The following REC114 variants were observed in gnomAD, a reference collection of about 807,000 sequenced individuals.
REC114 encodes meiotic recombination protein REC114.
REC114 carries 27 observed loss-of-function variants against 31.3 expected under a neutral mutation model. That is an observed-to-expected ratio of 0.86 (90% CI 0.64 to 1.19). REC114 has a LOEUF of 1.19. Ranked by LOEUF, REC114 falls within the 50% of genes most tolerant of loss-of-function variation. The pLI, the probability that REC114 is intolerant of heterozygous loss-of-function variation, is 0.00. For missense variants in REC114, 344 were observed against 326.9 expected, an observed-to-expected ratio of 1.05 and a Z score of -0.40; for synonymous variants, 134 against 127.7, an observed-to-expected ratio of 1.05 and a Z score of -0.33.
At chr15:73,478,310 C>T (rs1403929057) in intron 2 of REC114, among the ~76,000 whole-genome samples, 7 of 146,622 alleles carry the variant, frequency 4.8e-5, no homozygotes, top group Admixed American at 2.0e-4. Flanking sequence ...ATTTTTTGCA[C>T]GTGGATATCG....
intron 4 of REC114, among the ~76,000 whole-genome samples, chr15:73,555,846 C>T (rs980184403): frequency 6.6e-6 from 1 of 152,098 alleles, no homozygotes; most frequent in Non-Finnish European, 1.5e-5. Context: ...GGAGTTTCCC[C>T]CCATTTTGCA....
chr15:73,523,707 G>A lies in REC114; in HGVS notation c.250-16778G>A, dbSNP rs116897301. Among the ~76,000 whole-genome samples, 6 of 152,256 alleles carry A rather than the reference G, an allele frequency of 3.9e-5. No individual in the cohort carries two copies. The East Asian group carries it at 1.2e-3, about 29-fold the overall frequency. ...GAGCTGATACTTTAAATTTTATGAA[G>A]TCTGATTTATGAAATGTTTCTTTTA... On this transcript the variant is annotated intron_variant, in intron 2 of 5. Coordinates refer to ENST00000331090, the MANE Select transcript of REC114 (RefSeq NM_001042367.2).
At chr15:73,545,821 C>T (rs1894300933) in intron 3 of REC114, among the ~76,000 whole-genome samples, 1 of 152,090 alleles carries the variant, frequency 6.6e-6, no homozygotes, top group Non-Finnish European at 1.5e-5. Flanking sequence ...AATACAGTTG[C>T]TGATGTCACT....
chr15:73,477,954 T>C (rs1893236474), intron 2 of REC114, among the ~76,000 whole-genome samples: 1 of 152,102 alleles, frequency 6.6e-6, no homozygotes, highest in Non-Finnish European at 1.5e-5. Context: ...TTTTAATATA[T>C]GGTGACAGTT....
intron 3 of REC114, among the ~76,000 whole-genome samples, chr15:73,543,407 A>G (rs944077574): frequency 6.6e-6 from 1 of 152,120 alleles, no homozygotes; most frequent in African/African-American, 2.4e-5. Context: ...ATCTCAGCTC[A>G]CTGCAACCTC....
intron 2 of REC114, among the ~76,000 whole-genome samples, chr15:73,527,274 T>A (rs1894020830): frequency 6.6e-6 from 1 of 152,328 alleles, no homozygotes. Flanking sequence ...CTCAGTCTTA[T>A]GGTATTTCGT....
chr15:73,556,599 T>C (rs1213173285), intron 5 of REC114, among the ~76,000 whole-genome samples: 15 of 151,588 alleles, frequency 9.9e-5, no homozygotes, highest in Admixed American at 9.9e-4. Flanking sequence ...ACATGATGGC[T>C]GCAGGCACAT....
In REC114 at chr15:73,534,573, G is replaced by A. The variant is rs551891441; in HGVS notation, c.250-5912G>A. ...AACCAAAAAGAGTCCAGGACCAGATGGATTCACAGCCGAATTCTACCAGAG... is the reference window on the plus strand; with the variant it reads ...AACCAAAAAGAGTCCAGGACCAGATAGATTCACAGCCGAATTCTACCAGAG... On this transcript the variant is annotated intron_variant, in intron 2 of 5. Transcript: ENST00000331090. Among the ~76,000 whole-genome samples, 845 of 152,046 alleles carry A rather than the reference G, an allele frequency of 5.6e-3. 7 individuals carry two copies. Among genetic ancestry groups the A allele is most frequent in the African/African-American group, 0.019 (805 of 41,436 alleles).
chr15:73,443,465 G>A lies in REC114; in HGVS notation c.159+121G>A, dbSNP rs1892725649. 7.4e-6 allele frequency: 9 copies of A among 1,209,740 alleles called. No individual in the cohort carries two copies. The South Asian group carries it at 8.3e-5, about 11-fold the overall frequency. 74.9% of individuals were successfully genotyped at this position (1,209,740 alleles called of 1,614,324 possible). Reference sequence around the variant, plus strand: ...CGAGGGGACACCGAGTGACTGCCAGGCCTGTTGGGGAATGGACAGGCCGAC... The same window carrying A: ...CGAGGGGACACCGAGTGACTGCCAGACCTGTTGGGGAATGGACAGGCCGAC... On this transcript the variant is annotated intron_variant, in intron 1 of 5. Transcript: ENST00000331090.
intron 2 of REC114, among the ~76,000 whole-genome samples, chr15:73,518,032 T>C (rs975818611): frequency 1.1e-4 from 17 of 152,236 alleles, no homozygotes; most frequent in African/African-American, 4.1e-4. Flanking sequence ...TTGCCGATGC[T>C]GATAAAACAT....
intron 2 of REC114, among the ~76,000 whole-genome samples, chr15:73,501,467 CAG>C (rs1401086702): frequency 2.0e-5 from 3 of 152,238 alleles, no homozygotes; most frequent in Admixed American, 2.0e-4. Context: ...TTATTTTAGG[CAG>C]AGTCTCGCTC....
At chr15:73,530,306 C>T (rs747115457) in intron 2 of REC114, among the ~76,000 whole-genome samples, 5 of 152,098 alleles carry the variant, frequency 3.3e-5, no homozygotes, top group Non-Finnish European at 7.3e-5. Flanking sequence ...CTTATTATTC[C>T]CTTTTGTTAG....
At chr15:73,450,132 C>G (rs759452118) in intron 1 of REC114, among the ~76,000 whole-genome samples, 2 of 152,044 alleles carry the variant, frequency 1.3e-5, no homozygotes, top group Non-Finnish European at 1.5e-5. Flanking sequence ...CAAATTCATG[C>G]AACAATATGA....
At chr15:73,493,700 T>G (rs1354321202) in intron 2 of REC114, among the ~76,000 whole-genome samples, 1 of 152,098 alleles carries the variant, frequency 6.6e-6, no homozygotes, top group African/African-American at 2.4e-5. Context: ...CTGAGAGGAG[T>G]GAACTTAGAG....
At position 73,513,421 on chromosome 15, in the gene REC114, G is replaced by A. The variant is rs879691504; in HGVS notation, c.250-27064G>A. ...TCCCGTAGCTCAGAGTAATTTGATC[G>A]TCTGAAGCCTTCTTCTCTCAGCTCG... On this transcript the variant is annotated intron_variant, in intron 2 of 5. Coordinates refer to ENST00000331090, the MANE Select transcript of REC114 (RefSeq NM_001042367.2). 3.5e-3 allele frequency among the ~76,000 whole-genome samples: 507 copies of A among 146,508 alleles called. 2 individuals are homozygous for A. The highest frequency in any genetic ancestry group is 0.018 in the Middle Eastern group (5 of 278).
At chr15:73,486,016 C>T (rs1019919505) in intron 2 of REC114, among the ~76,000 whole-genome samples, 1 of 152,204 alleles carries the variant, frequency 6.6e-6, no homozygotes, top group African/African-American at 2.4e-5. Context: ...AAATAAACTT[C>T]AGCTCTTATG....
At chr15:73,502,591 C>G (rs1893617733) in intron 2 of REC114, among the ~76,000 whole-genome samples, 3 of 152,234 alleles carry the variant, frequency 2.0e-5, no homozygotes, top group African/African-American at 7.2e-5. Context: ...TCATTGTCAT[C>G]ATCTTCATAT....
chr15:73,516,283 G>A (rs1893857462), intron 2 of REC114, among the ~76,000 whole-genome samples: 2 of 152,128 alleles, frequency 1.3e-5, no homozygotes, highest in Middle Eastern at 3.4e-3. Flanking sequence ...ACCTTGCCTG[G>A]CCTCTAGCTT....
Position 73,559,860 on chromosome 15 carries a change from G to A in REC114, c.745G>A (p.Ala249Thr). 6.2e-7 allele frequency: 1 copy of A among 1,612,722 alleles called. No individual in the cohort carries two copies. The highest frequency in any genetic ancestry group is 8.5e-7 in the Non-Finnish European group (1 of 1,179,282). The change falls in exon 6 of 6, where the codon GCA becomes ACA. Residue 249 changes from alanine (A) to threonine (T), a missense_variant. Ala to Thr is a moderately conservative substitution (Grantham distance 58). Coordinates refer to ENST00000331090, the MANE Select transcript of REC114 (RefSeq NM_001042367.2). ...RLCLMDQNFP[A>T]FVEEVEKELK... ...GTGCCTTATGGATCAGAATTTCCCA[G>A]CATTTGTGGAAGAGGTAGAAAAGGA...
Sources: gnomAD v4.1 joint callset for allele counts (sites outside exome capture counted in the v4.1 genomes callset) on GRCh38, gnomAD v4.1.1 for gene constraint, MANE v1.5 for transcripts, NCBI Gene and HGNC (gene_info 2026-07-23, HGNC 2026-07-21) for gene names.